SYT9: variants seen among roughly 807,000 people sequenced by gnomAD.
The protein encoded by SYT9 is synaptotagmin 9, also known as synaptotagmin-9.
In SYT9, 22 loss-of-function variants were observed where a neutral mutation model predicts 48.4. The observed-to-expected ratio is 0.45, with a 90% CI of 0.32 to 0.65. The LOEUF (loss-of-function observed/expected upper bound fraction) is 0.65. Ranked by LOEUF, SYT9 falls within the 30% of genes least tolerant of loss-of-function variation. SYT9 has a pLI of 0.03. For missense variants in SYT9, 577 were observed against 622.0 expected (o/e 0.93, Z 0.77); for synonymous variants, 265 against 245.0 (o/e 1.08, Z -0.76).
chr11:7,269,262 A>G (rs926655507), intron 1 of SYT9, among the ~76,000 whole-genome samples: 1 of 152,014 alleles, frequency 6.6e-6, no homozygotes, highest in African/African-American at 2.4e-5. Flanking sequence ...GAGATAATTG[A>G]GTAACTATTT....
At chr11:7,375,869 A>G (rs1850443352) in intron 3 of SYT9, among the ~76,000 whole-genome samples, 1 of 152,022 alleles carries the variant, frequency 6.6e-6, no homozygotes, top group Non-Finnish European at 1.5e-5. Context: ...GCTGTTGCTC[A>G]GGGTTGTTTT....
intron 6 of SYT9, chr11:7,435,587 GC>G (rs2134125939): frequency 6.6e-6 from 1 of 152,330 alleles, no homozygotes; most frequent in African/African-American, 2.4e-5. Flanking sequence ...GAAATACAGT[GC>G]TGAGCCCTGT....
At chr11:7,414,472 C>T (rs11041362) in intron 3 of SYT9, among the ~76,000 whole-genome samples, 31,444 of 152,182 alleles carry the variant, frequency 0.21, 4,296 homozygotes, top group Non-Finnish European at 0.31. Flanking sequence ...TCAGTAAGGG[C>T]AGACACTGCT....
intron 3 of SYT9, among the ~76,000 whole-genome samples, chr11:7,362,142 A>ATTTTTTTTTTTTT (rs59675647): frequency 7.2e-6 from 1 of 138,272 alleles, no homozygotes; most frequent in African/African-American, 2.7e-5. Flanking sequence ...ATTTTATTTT[A>ATTTTTTTTTTTTT]TTTTTTTTTT....
At chr11:7,271,372 G>A (rs1437269304) in intron 1 of SYT9, among the ~76,000 whole-genome samples, 1 of 151,964 alleles carries the variant, frequency 6.6e-6, no homozygotes, top group Non-Finnish European at 1.5e-5. Context: ...ATTGCTATTT[G>A]CTTCAAAAGC....
chr11:7,311,729 G>C (rs1356158612), intron 2 of SYT9, among the ~76,000 whole-genome samples: 1 of 152,070 alleles, frequency 6.6e-6, no homozygotes, highest in East Asian at 1.9e-4. Context: ...AGGGAAATAG[G>C]GCTGGCACCA....
intron 3 of SYT9, among the ~76,000 whole-genome samples, chr11:7,402,490 G>T (rs560671948): frequency 3.4e-4 from 52 of 151,908 alleles, no homozygotes; most frequent in Non-Finnish European, 7.1e-4. Flanking sequence ...TATCAGATTT[G>T]TTTAGTGTAT....
chr11:7,413,846 C>T (rs900784263), intron 3 of SYT9, among the ~76,000 whole-genome samples: 14 of 151,866 alleles, frequency 9.2e-5, no homozygotes, highest in African/African-American at 2.7e-4. Context: ...GATCCTCCTG[C>T]CTTAGCCTCC....
intron 4 of SYT9, among the ~76,000 whole-genome samples, chr11:7,417,297 C>T (rs762677526): frequency 2.6e-5 from 4 of 152,116 alleles, no homozygotes; most frequent in Non-Finnish European, 5.9e-5. Flanking sequence ...TCCCAATAAA[C>T]AGAAGAAGAG....
At chr11:7,299,730 T>C (rs1220119913) in intron 1 of SYT9, among the ~76,000 whole-genome samples, 1 of 152,194 alleles carries the variant, frequency 6.6e-6, no homozygotes, top group Admixed American at 6.5e-5. Flanking sequence ...AGTGTTGAGA[T>C]GGACAAGATC....
intron 1 of SYT9, among the ~76,000 whole-genome samples, chr11:7,299,951 T>G (rs1338434085): frequency 6.6e-6 from 1 of 152,184 alleles, no homozygotes; most frequent in East Asian, 1.9e-4. Flanking sequence ...GCTGATGAGT[T>G]CAGAGGTCAC....
intron 1 of SYT9, among the ~76,000 whole-genome samples, chr11:7,258,340 T>A (rs553791301): frequency 5.3e-5 from 8 of 152,152 alleles, no homozygotes; most frequent in Non-Finnish European, 7.4e-5. Context: ...TCACCATTTG[T>A]GGAGAAGTTT....
At chr11:7,440,373 G>A (rs1236465456) in intron 6 of SYT9, 3 of 152,156 alleles carry the variant, frequency 2.0e-5, no homozygotes, top group Non-Finnish European at 4.4e-5. Context: ...GAGGACCCCC[G>A]CTCACTTAAG....
intron 3 of SYT9, among the ~76,000 whole-genome samples, chr11:7,364,918 G>A (rs986074479): frequency 6.6e-6 from 1 of 152,144 alleles, no homozygotes; most frequent in South Asian, 2.1e-4. Flanking sequence ...AAAGAAAAAA[G>A]AATCTGTCCT....
chr11:7,333,392 G>A (rs1220627399), intron 3 of SYT9, among the ~76,000 whole-genome samples: 2 of 152,110 alleles, frequency 1.3e-5, no homozygotes, highest in African/African-American at 4.8e-5. Flanking sequence ...CTATGACTTC[G>A]TTTTCTATAA....
At chr11:7,432,896 A>T (rs966468790) in intron 6 of SYT9, among the ~76,000 whole-genome samples, 14 of 151,908 alleles carry the variant, frequency 9.2e-5, no homozygotes, top group Admixed American at 2.6e-4. Flanking sequence ...TTGGGAACAC[A>T]TGGTTGTATT....
intron 3 of SYT9, among the ~76,000 whole-genome samples, chr11:7,332,152 G>A (rs1220914438): frequency 6.6e-6 from 1 of 152,154 alleles, no homozygotes; most frequent in Non-Finnish European, 1.5e-5. Context: ...GAGAGAGCGA[G>A]GCAAAGGTGT....
intron 6 of SYT9, among the ~76,000 whole-genome samples, chr11:7,449,019 G>A (rs1331824071): frequency 6.6e-6 from 1 of 152,088 alleles, no homozygotes; most frequent in African/African-American, 2.4e-5. Flanking sequence ...GACTCAGAGG[G>A]TTATAAGAAA....
chr11:7,446,484 C>G (rs951120109), intron 6 of SYT9, among the ~76,000 whole-genome samples: 10 of 152,184 alleles, frequency 6.6e-5, no homozygotes, highest in African/African-American at 2.4e-4. Flanking sequence ...GGAGGGCTTA[C>G]TCTTGGGCTG....
Sources: gnomAD v4.1 joint callset for allele counts (sites outside exome capture counted in the v4.1 genomes callset) on GRCh38, gnomAD v4.1.1 for gene constraint, MANE v1.5 for transcripts, NCBI Gene and HGNC (gene_info 2026-07-23, HGNC 2026-07-21) for gene names.